CACHD1: variants seen among roughly 807,000 people sequenced by gnomAD.
The protein encoded by CACHD1 is VWFA and cache domain-containing protein 1.
A neutral mutation model predicts 138.7 loss-of-function variants in CACHD1; 71 were observed. That is an observed-to-expected ratio of 0.51 (90% CI 0.42 to 0.62). CACHD1 has a LOEUF of 0.62. Among genes scored for constraint, CACHD1 ranks in the 20% least tolerant of loss-of-function variants. The pLI is 0.00. For synonymous variants in CACHD1, 578 were observed against 591.5 expected, an observed-to-expected ratio of 0.98 and a Z score of 0.33; for missense variants, 1,389 against 1,625.3, an observed-to-expected ratio of 0.85 and a Z score of 2.50.
At chr1:64,587,397 G>A (rs2100548511) in intron 3 of CACHD1, among the ~76,000 whole-genome samples, 1 of 152,256 alleles carries the variant, frequency 6.6e-6, no homozygotes, top group Non-Finnish European at 1.5e-5. Flanking sequence ...AAAGACCTTT[G>A]TTACAGAGCA....
chr1:64,592,032 G>A (rs2100557227), intron 3 of CACHD1, among the ~76,000 whole-genome samples: 1 of 152,270 alleles, frequency 6.6e-6, no homozygotes, highest in East Asian at 1.9e-4. Flanking sequence ...CTATGATGCT[G>A]TCAGAATTAA....
chr1:64,509,536 C>G (rs1646402896), intron 1 of CACHD1, among the ~76,000 whole-genome samples: 1 of 152,132 alleles, frequency 6.6e-6, no homozygotes, highest in Non-Finnish European at 1.5e-5. Flanking sequence ...GGAAAAGGAT[C>G]TCAGGGTAAA....
intron 9 of CACHD1, among the ~76,000 whole-genome samples, chr1:64,650,096 T>C (rs191582348): frequency 2.8e-4 from 42 of 152,338 alleles, no homozygotes; most frequent in Admixed American, 2.4e-3. Context: ...CAGAGAGTGA[T>C]TGAGGATTTT....
Position 64,691,776 on chromosome 1 carries a change from G to A in CACHD1, c.*215G>A. ...GAAGATGTGAGGCTGGTTCTGAAAT[G>A]GAGGGGAAATAAGCCTGATGAACAG... On this transcript the variant is annotated 3_prime_UTR_variant, in exon 27 of 27. Coordinates refer to ENST00000651257, the MANE Select transcript of CACHD1 (RefSeq NM_020925.4). The A allele has an allele frequency of 1.7e-6, 1 of 572,380 alleles. No individual in the cohort carries two copies. Among genetic ancestry groups the A allele is most frequent in the East Asian group, 2.9e-5 (1 of 34,572 alleles). The allele number at this position is 572,380 out of a possible 1,614,324, so 35.5% of individuals were successfully genotyped here.
At position 64,577,003 on chromosome 1, in the gene CACHD1, G is replaced by A. The variant is rs530206406; in HGVS notation, c.262-5153G>A. On this transcript the variant is annotated intron_variant, in intron 2 of 26. Coordinates refer to ENST00000651257, the MANE Select transcript of CACHD1 (RefSeq NM_020925.4). ...GGGTATCATAGGGTGGAGTGCAGTGGCACGATCAAGGCTCACTGCAGCCGC... is the reference window on the plus strand; with the variant it reads ...GGGTATCATAGGGTGGAGTGCAGTGACACGATCAAGGCTCACTGCAGCCGC... Among the ~76,000 whole-genome samples the A allele has an allele frequency of 9.2e-5, 14 of 152,032 alleles. 1 individual carries two copies. The highest frequency in any genetic ancestry group is 3.4e-4 in the African/African-American group (14 of 41,478).
intron 4 of CACHD1, among the ~76,000 whole-genome samples, chr1:64,605,019 T>G (rs1319612450): frequency 6.7e-6 from 1 of 150,372 alleles, no homozygotes. Context: ...CAGGCTGGAG[T>G]GCAGTGATGC....
At chr1:64,690,934 T>C (rs1650528555) in intron 26 of CACHD1, among the ~76,000 whole-genome samples, 1 of 152,224 alleles carries the variant, frequency 6.6e-6, no homozygotes, top group Non-Finnish European at 1.5e-5. Context: ...AAAAAGATTA[T>C]CTTTATCATA....
At chr1:64,681,922 A>T (rs939841185) in intron 25 of CACHD1, 83 bp from the exon 26 acceptor site, 4 of 1,165,474 alleles carry the variant, frequency 3.4e-6, no homozygotes, top group Non-Finnish European at 5.1e-6. Context: ...CAGCATGTAA[A>T]TGAGCCCTCT....
chr1:64,583,187 T>C (rs987749108), intron 3 of CACHD1, among the ~76,000 whole-genome samples: 2 of 152,230 alleles, frequency 1.3e-5, no homozygotes, highest in African/African-American at 2.4e-5. Context: ...TTTTTACTTA[T>C]TATGATTTCT....
intron 4 of CACHD1, among the ~76,000 whole-genome samples, chr1:64,609,773 A>G (rs907242783): frequency 1.3e-5 from 2 of 149,028 alleles, no homozygotes; most frequent in African/African-American, 5.0e-5. Context: ...GAACTTTTTT[A>G]TTTTCATAAA....
chr1:64,584,097 G>T (rs928103060), intron 3 of CACHD1, among the ~76,000 whole-genome samples: 1 of 152,158 alleles, frequency 6.6e-6, no homozygotes, highest in Non-Finnish European at 1.5e-5. Context: ...CATTTTCAGG[G>T]CAGGAAGAAC....
At chr1:64,534,639 C>T (rs1646617680) in intron 1 of CACHD1, among the ~76,000 whole-genome samples, 1 of 152,226 alleles carries the variant, frequency 6.6e-6, no homozygotes, top group Admixed American at 6.5e-5. Flanking sequence ...TTCTCCCTTG[C>T]ACTCTGAGCA....
At chr1:64,508,529 A>G (rs1646394560) in intron 1 of CACHD1, among the ~76,000 whole-genome samples, 1 of 152,184 alleles carries the variant, frequency 6.6e-6, no homozygotes, top group South Asian at 2.1e-4. Context: ...CATGCGTAAA[A>G]TGGGGATAAT....
intron 1 of CACHD1, among the ~76,000 whole-genome samples, chr1:64,497,292 T>A (rs1214620009): frequency 6.6e-6 from 1 of 152,186 alleles, no homozygotes; most frequent in Non-Finnish European, 1.5e-5. Context: ...TACTCTGTGC[T>A]TCCATCGTGC....
At chr1:64,477,731 T>C (rs1646184045) in intron 1 of CACHD1, among the ~76,000 whole-genome samples, 1 of 150,940 alleles carries the variant, frequency 6.6e-6, no homozygotes, top group African/African-American at 2.4e-5. Flanking sequence ...GCTTCCCGGG[T>C]TCATGCCATT....
intron 4 of CACHD1, among the ~76,000 whole-genome samples, chr1:64,606,005 G>C (rs1647325123): frequency 2.0e-5 from 3 of 152,024 alleles, no homozygotes; most frequent in Non-Finnish European, 4.4e-5. Flanking sequence ...TCTCCTACCT[G>C]TTAAGTGGAA....
chr1:64,665,854 A>C (rs1429061010), intron 15 of CACHD1, among the ~76,000 whole-genome samples: 1 of 152,092 alleles, frequency 6.6e-6, no homozygotes, highest in Non-Finnish European at 1.5e-5. Flanking sequence ...AATACAAAAA[A>C]TTAGCTAGGC....
At chr1:64,545,898 A>G (rs1646714623) in intron 1 of CACHD1, among the ~76,000 whole-genome samples, 1 of 152,240 alleles carries the variant, frequency 6.6e-6, no homozygotes, top group African/African-American at 2.4e-5. Flanking sequence ...TCTTTTAATT[A>G]CAGAAATAAA....
intron 15 of CACHD1, 91 bp from the exon 16 acceptor site, chr1:64,665,966 C>T (rs778116189): frequency 1.1e-4 from 70 of 657,580 alleles, no homozygotes; most frequent in Non-Finnish European, 1.6e-4. Context: ...GATCGCACCA[C>T]TGCACTCCAG....
Sources: gnomAD v4.1 joint callset for allele counts (sites outside exome capture counted in the v4.1 genomes callset) on GRCh38, gnomAD v4.1.1 for gene constraint, MANE v1.5 for transcripts, NCBI Gene and HGNC (gene_info 2026-07-23, HGNC 2026-07-21) for gene names.